The following CACNA1I variants were observed in gnomAD, a reference collection of about 807,000 sequenced individuals.
CACNA1I encodes voltage-dependent T-type calcium channel subunit alpha-1I.
CACNA1I carries 74 observed loss-of-function variants against 201.6 expected under a neutral mutation model. That is an observed-to-expected ratio of 0.37 (90% confidence interval 0.30 to 0.45). The LOEUF is 0.45. Among genes scored for constraint, CACNA1I ranks in the 20% least tolerant of loss-of-function variants. The pLI is 1.00. For synonymous variants in CACNA1I, 1,431 were observed against 1,345.2 expected (o/e 1.06, Z -1.40); for missense variants, 2,346 against 3,138.1 (o/e 0.75, Z 6.03).
At chr22:39,583,134 C>CTCCATCCATCCA (rs59596152) in intron 1 of CACNA1I, among the ~76,000 whole-genome samples, 119,080 of 136,224 alleles carry the variant, frequency 0.87, 52,233 homozygotes, top group South Asian at 0.93. Context: ...GCATCCATCT[C>CTCCATCCATCCA]TCCATCCATC....
chr22:39,637,201 C>A (rs1342182329), intron 5 of CACNA1I, among the ~76,000 whole-genome samples: 7 of 152,152 alleles, frequency 4.6e-5, no homozygotes, highest in African/African-American at 1.7e-4. Context: ...GAAAATTAGG[C>A]CTCAGGATGC....
intron 3 of CACNA1I, among the ~76,000 whole-genome samples, chr22:39,618,243 T>C (rs1259188673): frequency 5.8e-5 from 3 of 51,714 alleles, no homozygotes; most frequent in Non-Finnish European, 1.2e-4. Flanking sequence ...AGGTGTGTGG[T>C]TGTGTGCCTG....
intron 7 of CACNA1I, among the ~76,000 whole-genome samples, chr22:39,644,472 G>C (rs1934426969): frequency 6.6e-6 from 1 of 152,158 alleles, no homozygotes; most frequent in African/African-American, 2.4e-5. Flanking sequence ...TGGGTCTCAG[G>C]TGGCCCTGTC....
rs1569104013 is a variant in CACNA1I at position 39,685,917 on chromosome 22, G to A, written c.6184G>A (p.Ala2062Thr). ...AGGACCCCGGGCCGGCCTGTCCCCC[G>A]CCGCTCGCCGCCGCCTGAGCCTGCG... is the stretch of plus-strand genomic sequence containing the variant. ...APGPRAGLSP[A>T]ARRRLSLRGR... is the part of the protein sequence containing the mutation. Residue 2062 changes from alanine (A) to threonine (T), a missense_variant, in exon 37 of 37, where the codon GCC (alanine) becomes ACC (threonine). Around this residue, in one of 13 missense-constraint regions of CACNA1I, gnomAD observed 441 missense variants for 555.6 expected, o/e 0.79. Coordinates refer to ENST00000402142, the MANE Select transcript of CACNA1I (RefSeq NM_021096.4). This position sits in a 1 kb window ranked among gnomAD's most constrained non-coding sequence, Gnocchi z 5.0. 5 of 1,319,070 alleles carry A rather than the reference G, an allele frequency of 3.8e-6. No individual in the cohort carries two copies. The highest frequency in any genetic ancestry group is 2.3e-5 in the South Asian group (1 of 44,078). The allele number at this position is 1,319,070 out of a possible 1,614,324, so 81.7% of individuals were successfully genotyped here.
chr22:39,672,652 A>C lies in CACNA1I; in HGVS notation c.4650-297A>C, dbSNP rs578162477. Among the ~76,000 whole-genome samples the C allele has an allele frequency of 8.5e-5, 13 of 152,320 alleles. No homozygotes were observed. The South Asian group carries it at 2.3e-3, about 27-fold the overall frequency. ...GACTAGCCTAAGGCCAGACAGAGAG[A>C]GCAGCCAGCTCAAGATTAGACTTGG... is the stretch of plus-strand genomic sequence containing the variant. On this transcript the variant is annotated intron_variant, in intron 27 of 36. Transcript: ENST00000402142.
chr22:39,586,223 C>T (rs1932749512), intron 1 of CACNA1I, among the ~76,000 whole-genome samples: 1 of 151,730 alleles, frequency 6.6e-6, no homozygotes, highest in Non-Finnish European at 1.5e-5. Context: ...GGTGTTGTGG[C>T]TTATGCTTGT....
chr22:39,617,870 C>G (rs1933593522), intron 3 of CACNA1I, among the ~76,000 whole-genome samples: 3 of 148,776 alleles, frequency 2.0e-5, no homozygotes, highest in Admixed American at 6.7e-5. Flanking sequence ...CCAGCTCCCC[C>G]CTCCCTCTTT....
At chr22:39,641,260 C>T (rs1934345192) in intron 6 of CACNA1I, 78 bp downstream of exon 6, 24 of 1,253,188 alleles carry the variant, frequency 1.9e-5, no homozygotes, top group Non-Finnish European at 2.4e-5. Context: ...CTGTGCTAGG[C>T]ATTTGCCAGC....
intron 1 of CACNA1I, among the ~76,000 whole-genome samples, chr22:39,577,419 T>C (rs1932393885): frequency 6.6e-6 from 1 of 152,264 alleles, no homozygotes; most frequent in Admixed American, 6.5e-5. Flanking sequence ...TGGTTTCATC[T>C]GGCACTGGGC....
intron 1 of CACNA1I, among the ~76,000 whole-genome samples, chr22:39,583,533 C>T (rs1021252103): frequency 1.3e-5 from 2 of 152,180 alleles, no homozygotes; most frequent in Non-Finnish European, 2.9e-5. Context: ...TCCCTCCACT[C>T]AACCTTTACA....
chr22:39,685,914 C>T lies in CACNA1I; in HGVS notation c.6181C>T (p.Pro2061Ser). 7.5e-7 allele frequency: 1 copy of T among 1,327,700 alleles called. No homozygotes were observed. Among genetic ancestry groups the T allele is most frequent in the Non-Finnish European group, 9.5e-7 (1 of 1,049,528 alleles). 82.2% of individuals were successfully genotyped at this position (1,327,700 alleles called of 1,614,324 possible). The change falls in exon 37 of 37, where the codon CCC becomes TCC. Residue 2061 changes from proline to serine, a missense_variant. Pro to Ser is a moderately conservative substitution (Grantham distance 74). Transcript: ENST00000402142. This position sits in a 1 kb window ranked among gnomAD's most constrained non-coding sequence, Gnocchi z 5.0. Reference protein sequence around the residue: ...PAPGPRAGLSPAARRRLSLRG... With the variant: ...PAPGPRAGLSSAARRRLSLRG... ...TCCAGGACCCCGGGCCGGCCTGTCC[C>T]CCGCCGCTCGCCGCCGCCTGAGCCT...
At chr22:39,650,914 T>C (rs1934627698) in intron 10 of CACNA1I, among the ~76,000 whole-genome samples, 2 of 152,152 alleles carry the variant, frequency 1.3e-5, no homozygotes, top group Admixed American at 1.3e-4. Flanking sequence ...GAGCAGGGCC[T>C]CTGTGGGGAC....
At chr22:39,604,155 C>T (rs912844818) in intron 3 of CACNA1I, among the ~76,000 whole-genome samples, 1 of 152,176 alleles carries the variant, frequency 6.6e-6, no homozygotes, top group Non-Finnish European at 1.5e-5. Context: ...TCTGCTGGCT[C>T]CACAGACTGA....
chr22:39,646,227 TG>T (rs1248195864), intron 7 of CACNA1I, among the ~76,000 whole-genome samples: 7 of 151,936 alleles, frequency 4.6e-5, no homozygotes, highest in African/African-American at 1.5e-4. Flanking sequence ...CCACCTCCCC[TG>T]CCCTTTTCTT....
intron 21 of CACNA1I, 49 bp downstream of exon 21, chr22:39,664,972 G>C: frequency 6.4e-7 from 1 of 1,566,052 alleles, no homozygotes; most frequent in Non-Finnish European, 8.7e-7. Flanking sequence ...GCACTGTACC[G>C]AGAAGCCACG....
chr22:39,584,211 A>G (rs1411335930), intron 1 of CACNA1I, among the ~76,000 whole-genome samples: 2 of 152,098 alleles, frequency 1.3e-5, no homozygotes, highest in Non-Finnish European at 2.9e-5. Context: ...GCAGAAAGGA[A>G]GGGTTTAGGT....
At chr22:39,584,391 T>G (rs933064040) in intron 1 of CACNA1I, among the ~76,000 whole-genome samples, 1 of 152,202 alleles carries the variant, frequency 6.6e-6, no homozygotes, top group African/African-American at 2.4e-5. Flanking sequence ...ACATCTCTTC[T>G]GGACGTGATG....
chr22:39,630,357 C>T (rs1435711920), intron 4 of CACNA1I, among the ~76,000 whole-genome samples: 1 of 152,240 alleles, frequency 6.6e-6, no homozygotes, highest in Non-Finnish European at 1.5e-5. Context: ...CTTTTCCCTA[C>T]CGTACCTGGG....
In CACNA1I at chr22:39,663,599, G is replaced by T. The variant is rs918775877; in HGVS notation, c.3474-119G>T. On this transcript the variant is annotated intron_variant, in intron 18 of 36. Coordinates refer to ENST00000402142, the MANE Select transcript of CACNA1I (RefSeq NM_021096.4). ...GAGTCGGCACCTGGCCAGAGGAGAG[G>T]ATAGGGGTTGCTTCCTCGAGGCCAG... 7 of 1,207,012 alleles carry T rather than the reference G, an allele frequency of 5.8e-6. No individual in the cohort carries two copies. In the Admixed American group the frequency reaches 9.3e-5, roughly 16 times the overall value. The allele number at this position is 1,207,012 out of a possible 1,614,324, so 74.8% of individuals were successfully genotyped here. A position where few individuals can be genotyped will look rare whatever the true frequency, so the allele number is the denominator to read the frequency against.
Sources: allele counts gnomAD v4.1 joint callset (sites outside exome capture counted in the v4.1 genomes callset), GRCh38; gene constraint gnomAD v4.1.1; regional missense constraint gnomAD v4.1.1; non-coding constraint Gnocchi (gnomAD v3.1); transcripts MANE v1.5; gene names NCBI Gene and HGNC (gene_info 2026-07-23, HGNC 2026-07-21).